The following NELL1 variants were observed in gnomAD, a reference collection of about 807,000 sequenced individuals.
NELL1 encodes protein kinase C-binding protein NELL1.
NELL1 carries 76 observed loss-of-function variants against 107.4 expected under a neutral mutation model. That is an observed-to-expected ratio of 0.71 (90% CI 0.59 to 0.86). The LOEUF is 0.86. NELL1 is among the 40% of genes least tolerant of loss of function. The probability of loss-of-function intolerance (pLI) is 0.00; values close to 1 mark genes in which losing one functional copy is unlikely to be tolerated. For missense variants in NELL1, 1,024 were observed against 1,005.5 expected (o/e 1.02, Z -0.25); for synonymous variants, 353 against 341.2 (o/e 1.03, Z -0.38).
intron 14 of NELL1, among the ~76,000 whole-genome samples, chr11:21,346,716 A>G (rs975885105): frequency 6.7e-6 from 1 of 150,120 alleles, no homozygotes; most frequent in Non-Finnish European, 1.5e-5. Context: ...ACTATTAATG[A>G]AGCATAGATG....
chr11:21,232,686 C>A (rs756652122), intron 14 of NELL1, among the ~76,000 whole-genome samples: 35 of 152,180 alleles, frequency 2.3e-4, no homozygotes, highest in Admixed American at 9.8e-4. Flanking sequence ...CAGGGTCTTG[C>A]TCTGTCACCC....
At chr11:20,704,959 T>C (rs1172386651) in intron 2 of NELL1, among the ~76,000 whole-genome samples, 1 of 152,122 alleles carries the variant, frequency 6.6e-6, no homozygotes, top group African/African-American at 2.4e-5. Flanking sequence ...TTACAAGGGA[T>C]GTGAAGGACC....
intron 14 of NELL1, among the ~76,000 whole-genome samples, chr11:21,251,875 A>G (rs1016897205): frequency 2.6e-5 from 4 of 152,112 alleles, no homozygotes; most frequent in Non-Finnish European, 5.9e-5. Context: ...TACATACACT[A>G]AGATGAAGTT....
intron 3 of NELL1, among the ~76,000 whole-genome samples, chr11:20,789,802 G>A (rs995216441): frequency 6.6e-6 from 1 of 152,174 alleles, no homozygotes; most frequent in Non-Finnish European, 1.5e-5. Context: ...AGGAGACCCT[G>A]GAGTAGGAAG....
At chr11:20,876,485 G>A (rs1201947210) in intron 4 of NELL1, among the ~76,000 whole-genome samples, 1 of 152,182 alleles carries the variant, frequency 6.6e-6, no homozygotes, top group Non-Finnish European at 1.5e-5. Flanking sequence ...ATAGTTCATC[G>A]CCGGGCACGG....
At chr11:21,007,197 C>T (rs537365168) in intron 12 of NELL1, among the ~76,000 whole-genome samples, 1 of 152,214 alleles carries the variant, frequency 6.6e-6, no homozygotes, top group African/African-American at 2.4e-5. Context: ...TTTCCCTTAT[C>T]CTCTTATTGT....
At chr11:21,497,645 AT>A (rs1364705555) in intron 15 of NELL1, among the ~76,000 whole-genome samples, 6 of 152,120 alleles carry the variant, frequency 3.9e-5, no homozygotes, top group Admixed American at 1.3e-4. Context: ...AAGAAAAAAA[AT>A]ATGCTTGGTT....
At chr11:20,976,160 CACATTATATCTGTACAT>C (rs1851629922) in intron 12 of NELL1, among the ~76,000 whole-genome samples, 1 of 106,850 alleles carries the variant, frequency 9.4e-6, no homozygotes, top group East Asian at 3.3e-4. Context: ...TATATATACA[CACATTATATCTGTACAT>C]ATATATGTTT....
intron 15 of NELL1, among the ~76,000 whole-genome samples, chr11:21,411,519 T>G (rs1236072868): frequency 6.6e-5 from 10 of 152,018 alleles, no homozygotes; most frequent in Admixed American, 6.6e-4. Context: ...AGTGGGTGTT[T>G]GTGTGAAAAA....
chr11:21,180,516 G>A (rs1856805282), intron 13 of NELL1, among the ~76,000 whole-genome samples: 1 of 151,654 alleles, frequency 6.6e-6, no homozygotes, highest in African/African-American at 2.4e-5. Flanking sequence ...TTTTCTTTCT[G>A]TGAAAGAGAA....
intron 12 of NELL1, among the ~76,000 whole-genome samples, chr11:21,083,317 T>G (rs1590620388): frequency 6.6e-6 from 1 of 152,156 alleles, no homozygotes; most frequent in African/African-American, 2.4e-5. Flanking sequence ...TCAGAGGGTA[T>G]AGGGGTGTTT....
At chr11:21,100,461 T>A (rs1854777521) in intron 12 of NELL1, among the ~76,000 whole-genome samples, 1 of 152,218 alleles carries the variant, frequency 6.6e-6, no homozygotes, top group Non-Finnish European at 1.5e-5. Flanking sequence ...TCCAATCTTT[T>A]CTCCCTTCAG....
intron 15 of NELL1, among the ~76,000 whole-genome samples, chr11:21,410,094 C>A (rs1451678363): frequency 6.6e-6 from 1 of 151,978 alleles, no homozygotes. Context: ...TAACTATTTT[C>A]TGCATTGCAG....
At chr11:21,337,388 TAA>T (rs1163277470) in intron 14 of NELL1, among the ~76,000 whole-genome samples, 2 of 152,216 alleles carry the variant, frequency 1.3e-5, no homozygotes, top group Non-Finnish European at 2.9e-5. Context: ...GCTTATTCTA[TAA>T]AAGTGTATTT....
At chr11:20,788,990 A>G (rs1857023011) in intron 3 of NELL1, among the ~76,000 whole-genome samples, 2 of 152,106 alleles carry the variant, frequency 1.3e-5, no homozygotes, top group Non-Finnish European at 1.5e-5. Context: ...CTTGTTGAAG[A>G]CTGCTTTTCT....
chr11:20,920,714 G>C (rs1221558833), intron 7 of NELL1, among the ~76,000 whole-genome samples: 1 of 152,052 alleles, frequency 6.6e-6, no homozygotes, highest in African/African-American at 2.4e-5. Context: ...TCATTCTCCA[G>C]CTTCGAGGGC....
At chr11:21,330,526 A>G (rs771489135) in intron 14 of NELL1, among the ~76,000 whole-genome samples, 5 of 151,990 alleles carry the variant, frequency 3.3e-5, no homozygotes, top group Non-Finnish European at 5.9e-5. Context: ...TTCTTTCAGC[A>G]CTTTGAATAT....
At chr11:20,877,077 C>T (rs183800111) in intron 4 of NELL1, among the ~76,000 whole-genome samples, 279 of 152,224 alleles carry the variant, frequency 1.8e-3, no homozygotes, top group Middle Eastern at 6.8e-3. Context: ...TGCAAGGTCA[C>T]CCATTACCAT....
chr11:21,561,959 G>T (rs1387771828), intron 17 of NELL1, among the ~76,000 whole-genome samples: 1 of 152,058 alleles, frequency 6.6e-6, no homozygotes, highest in East Asian at 1.9e-4. Context: ...CATTCAGCCA[G>T]CAGAATGGGG....
Sources: gnomAD v4.1 joint callset for allele counts (sites outside exome capture counted in the v4.1 genomes callset) on GRCh38, gnomAD v4.1.1 for gene constraint, MANE v1.5 for transcripts, NCBI Gene and HGNC (gene_info 2026-07-23, HGNC 2026-07-21) for gene names.